The following APAF1 variants were observed in gnomAD, a reference collection of about 807,000 sequenced individuals.
The protein encoded by APAF1 is apoptotic peptidase activating factor 1.
Under a neutral mutation model 152.4 loss-of-function variants are expected in APAF1, and 91 were observed. That is an observed-to-expected ratio of 0.60 (90% CI 0.50 to 0.71). The LOEUF (loss-of-function observed/expected upper bound fraction) is 0.71. Ranked by LOEUF, APAF1 falls within the 30% of genes least tolerant of loss-of-function variation. APAF1 has a pLI of 0.00. For missense variants in APAF1, 1,283 were observed against 1,472.0 expected, an observed-to-expected ratio of 0.87 and a Z score of 2.10; for synonymous variants, 484 against 494.1, an observed-to-expected ratio of 0.98 and a Z score of 0.27.
chr12:98,695,897 G>T (rs2097709348), intron 16 of APAF1, among the ~76,000 whole-genome samples: 1 of 152,186 alleles, frequency 6.6e-6, no homozygotes, highest in African/African-American at 2.4e-5. Flanking sequence ...TTGGAGTTCT[G>T]TGGGGTGATT....
At chr12:98,661,549 T>C (rs2097665403) in intron 5 of APAF1, among the ~76,000 whole-genome samples, 1 of 152,078 alleles carries the variant, frequency 6.6e-6, no homozygotes, top group South Asian at 2.1e-4. Flanking sequence ...CGATATCGGT[T>C]CACTGCAACC....
At chr12:98,652,339 G>A (rs1321537892) in intron 4 of APAF1, among the ~76,000 whole-genome samples, 1 of 152,134 alleles carries the variant, frequency 6.6e-6, no homozygotes, top group Non-Finnish European at 1.5e-5. Flanking sequence ...TGGGGACTCC[G>A]ATAATTCTAC....
rs111705093 is a variant in APAF1, at chr12:98,690,838, G to C, written c.2304+3965G>C. 6.6e-3 allele frequency among the ~76,000 whole-genome samples: 999 copies of C among 152,158 alleles called. 12 individuals are homozygous for C. The highest frequency in any genetic ancestry group is 0.023 in the African/African-American group (940 of 41,510). ...AAAGGATTAAAACCATCCACCAAGA[G>C]TCCCCTATCATAAGCCCCCTCAGAA... On this transcript the variant is annotated intron_variant, in intron 16 of 26. Coordinates refer to ENST00000551964, the MANE Select transcript of APAF1 (RefSeq NM_181861.2).
At chr12:98,653,171 T>C (rs2097651076) in intron 4 of APAF1, among the ~76,000 whole-genome samples, 1 of 152,196 alleles carries the variant, frequency 6.6e-6, no homozygotes, top group Non-Finnish European at 1.5e-5. Flanking sequence ...TTCCCAAAGA[T>C]AAATTTTAAT....
chr12:98,691,740 T>G (rs2097704463), intron 16 of APAF1, among the ~76,000 whole-genome samples: 1 of 152,190 alleles, frequency 6.6e-6, no homozygotes, highest in South Asian at 2.1e-4. Context: ...GTGTTTTTTT[T>G]GAAACTCTCC....
chr12:98,679,708 C>T (rs188909448), intron 13 of APAF1, among the ~76,000 whole-genome samples: 11 of 152,368 alleles, frequency 7.2e-5, no homozygotes, highest in Admixed American at 4.6e-4. Flanking sequence ...TGGGCACCAC[C>T]GTGTTCCCCG....
chr12:98,712,181 A>G (rs2097728601), intron 20 of APAF1, 138 bp from the exon 21 acceptor site: 2 of 692,302 alleles, frequency 2.9e-6, no homozygotes, highest in Non-Finnish European at 5.3e-6. Flanking sequence ...AGACTAGGAT[A>G]TGGCTTGTTG....
At chr12:98,719,321 A>T (rs1227774344) in intron 22 of APAF1, among the ~76,000 whole-genome samples, 1 of 152,026 alleles carries the variant, frequency 6.6e-6, no homozygotes, top group African/African-American at 2.4e-5. Flanking sequence ...TTGGGAGTTC[A>T]TAATGCCGAT....
chr12:98,670,661 C>T (rs1349529018), intron 10 of APAF1, among the ~76,000 whole-genome samples: 1 of 151,634 alleles, frequency 6.6e-6, no homozygotes, highest in Non-Finnish European at 1.5e-5. Flanking sequence ...TGATATTTTG[C>T]TTTGGGGTCA....
intron 10 of APAF1, among the ~76,000 whole-genome samples, chr12:98,667,896 A>G (rs911073301): frequency 6.9e-5 from 10 of 143,946 alleles, no homozygotes; most frequent in African/African-American, 2.6e-4. Context: ...TCAGCCCCCC[A>G]TGTAGCTGGG....
chr12:98,724,387 C>G (rs1002608147), intron 24 of APAF1, among the ~76,000 whole-genome samples: 2 of 152,206 alleles, frequency 1.3e-5, no homozygotes, highest in African/African-American at 4.8e-5. Flanking sequence ...ACTTTATCTT[C>G]CATACCACTG....
At chr12:98,696,561 C>T (rs2097710140) in intron 16 of APAF1, among the ~76,000 whole-genome samples, 1 of 152,198 alleles carries the variant, frequency 6.6e-6, no homozygotes, top group Admixed American at 6.5e-5. Context: ...CATAGCAGAG[C>T]TGTATGTGTT....
In APAF1 at chr12:98,735,282, A is replaced by C. The variant is rs113354620; in HGVS notation, c.*2716A>C. 298 of 396,876 alleles carry C rather than the reference A, an allele frequency of 7.5e-4. 3 individuals carry two copies. The East Asian group carries it at 0.011, about 14-fold the overall frequency. 24.6% of individuals were successfully genotyped at this position (396,876 alleles called of 1,614,324 possible). A position where few individuals can be genotyped will look rare whatever the true frequency, so the allele number is the denominator to read the frequency against. ...AATTACATTGGACTTCATATATATA[A>C]TTTTTTTTTACATTATATGTCTCTT... On this transcript the variant is annotated 3_prime_UTR_variant, in exon 27 of 27. Coordinates refer to ENST00000551964, the MANE Select transcript of APAF1 (RefSeq NM_181861.2).
chr12:98,710,564 CAG>C (rs1335800949), intron 20 of APAF1, among the ~76,000 whole-genome samples: 1 of 152,106 alleles, frequency 6.6e-6, no homozygotes, highest in African/African-American at 2.4e-5. Flanking sequence ...GAGGGTAGGA[CAG>C]AGTTTAATGA....
At chr12:98,712,675 C>A (rs1481473979) in intron 21 of APAF1, 4 of 453,674 alleles carry the variant, frequency 8.8e-6, no homozygotes, top group Non-Finnish European at 1.6e-5. Context: ...CGTCACCATG[C>A]CCGACTAATT....
chr12:98,731,947 A>T (rs552931457), intron 26 of APAF1, among the ~76,000 whole-genome samples: 3 of 152,204 alleles, frequency 2.0e-5, no homozygotes, highest in Non-Finnish European at 4.4e-5. Context: ...ACACCTGGGG[A>T]AAGGGAAGAT....
At chr12:98,686,900 G>GTATTTTAT in intron 16 of APAF1, 27 bp downstream of exon 16, 1 of 1,604,228 alleles carries the variant, frequency 6.2e-7, no homozygotes, top group Non-Finnish European at 8.5e-7. Flanking sequence ...TATTAAAATA[G>GTATTTTAT]GTTGTATTTT....
At chr12:98,715,349 T>C (rs1396397388) in intron 21 of APAF1, 78 bp from the exon 22 acceptor site, 8 of 1,425,808 alleles carry the variant, frequency 5.6e-6, no homozygotes, top group Non-Finnish European at 7.7e-6. Flanking sequence ...AGTCTAATTT[T>C]AGTTTAATAT....
Position 98,686,683 on chromosome 12 carries a change from A to G in APAF1, c.2179-65A>G, listed in dbSNP as rs2097698358. The G allele has an allele frequency of 3.3e-6, 5 of 1,497,554 alleles. No individual in the cohort carries two copies. The South Asian group carries it at 3.5e-5, about 11-fold the overall frequency. The allele number at this position is 1,497,554 out of a possible 1,614,324, so 92.8% of individuals were successfully genotyped here. ...AATGAGAGAAAAGGAAGAACTTCAC[A>G]TGATTTCTGATGTTTCCCCACTCAA... is the stretch of plus-strand genomic sequence containing the variant. On this transcript the variant is annotated intron_variant, in intron 15 of 26. Transcript: ENST00000551964.
Sources: allele counts gnomAD v4.1 joint callset (sites outside exome capture counted in the v4.1 genomes callset), GRCh38; gene constraint gnomAD v4.1.1; transcripts MANE v1.5; gene names NCBI Gene and HGNC (gene_info 2026-07-23, HGNC 2026-07-21).